WTAP: variants seen among roughly 807,000 people sequenced by gnomAD.
The protein encoded by WTAP is pre-mRNA-splicing regulator WTAP.
WTAP carries 8 observed loss-of-function variants against 50.0 expected under a neutral mutation model. The observed-to-expected ratio is 0.16, with a 90% confidence interval of 0.09 to 0.29. WTAP has a LOEUF of 0.29. WTAP is among the 10% of genes least tolerant of loss of function. The pLI is 1.00. For missense variants in WTAP, 295 were observed against 470.7 expected (o/e 0.63, Z 3.45); for synonymous variants, 194 against 169.0 (o/e 1.15, Z -1.15).
At chr6:159,751,030 T>G (rs1779800712) in intron 6 of WTAP, among the ~76,000 whole-genome samples, 1 of 152,254 alleles carries the variant, frequency 6.6e-6, no homozygotes, top group South Asian at 2.1e-4. Flanking sequence ...TTTAGAGTGT[T>G]TAGAGGTATA....
chr6:159,727,216 T>C, upstream of WTAP: 2 of 1,264,044 alleles, frequency 1.6e-6, no homozygotes, highest in Non-Finnish European at 1.0e-6. Context: ...GCTGCTCCAT[T>C]GTGCCTCGAG....
rs916498380 is a variant in WTAP, at chr6:159,731,536, A to G, written c.-9+3833A>G. ...AGAATCCTAAATATTGGAGATGCCA[A>G]AGAATTCTGCAGTAAGTGTTAGAAA... On this transcript the variant is annotated intron_variant, in intron 1 of 7. Coordinates refer to ENST00000621533, the MANE Select transcript of WTAP (RefSeq NM_001270531.2). Among the ~76,000 whole-genome samples the G allele has an allele frequency of 4.5e-4, 69 of 152,226 alleles. 4 individuals are homozygous for G. The highest frequency in any genetic ancestry group is 5.9e-5 in the Non-Finnish European group (4 of 68,040).
At position 159,735,366 on chromosome 6, in the gene WTAP, T is replaced by C. The variant is rs1163517920; in HGVS notation, c.-8-892T>C. Reference sequence around the variant, plus strand: ...ATGTTGGCCAGACTTGTCTTGAACTTCTGACCTCAAGTGATCCACCCACCA... The same window carrying C: ...ATGTTGGCCAGACTTGTCTTGAACTCCTGACCTCAAGTGATCCACCCACCA... On this transcript the variant is annotated intron_variant, in intron 1 of 7. Coordinates refer to ENST00000621533, the MANE Select transcript of WTAP (RefSeq NM_001270531.2). Among the ~76,000 whole-genome samples, 5 of 152,260 alleles carry C rather than the reference T, an allele frequency of 3.3e-5. No individual in the cohort carries two copies. The East Asian group carries it at 7.7e-4, about 24-fold the overall frequency.
chr6:159,736,090 C>T (rs1778895193), intron 1 of WTAP, among the ~76,000 whole-genome samples, 168 bp from the exon 2 acceptor site: 1 of 152,134 alleles, frequency 6.6e-6, no homozygotes, highest in African/African-American at 2.4e-5. Context: ...ATATCTTTGC[C>T]ACTTTTTTGT....
At chr6:159,746,841 A>AT (rs2114940555) in intron 5 of WTAP, among the ~76,000 whole-genome samples, 1 of 152,242 alleles carries the variant, frequency 6.6e-6, no homozygotes, top group Non-Finnish European at 1.5e-5. Flanking sequence ...TTCTAGTCTG[A>AT]TTCACCTCTC....
At chr6:159,734,473 A>G (rs1032841367) in intron 1 of WTAP, among the ~76,000 whole-genome samples, 4 of 152,154 alleles carry the variant, frequency 2.6e-5, no homozygotes, top group Non-Finnish European at 5.9e-5. Flanking sequence ...AAAATAAACC[A>G]TAAACACTTT....
At chr6:159,729,835 T>C (rs1248864152) in intron 1 of WTAP, among the ~76,000 whole-genome samples, 2 of 152,202 alleles carry the variant, frequency 1.3e-5, no homozygotes, top group Non-Finnish European at 2.9e-5. Flanking sequence ...ACTGAAGTTG[T>C]TTTGGCTGGC....
At chr6:159,728,638 C>T (rs937218911) in intron 1 of WTAP, among the ~76,000 whole-genome samples, 2 of 152,100 alleles carry the variant, frequency 1.3e-5, no homozygotes, top group African/African-American at 4.8e-5. Context: ...ATGTTGTGGA[C>T]ATTTAAAACC....
chr6:159,729,924 C>G (rs1778465320), intron 1 of WTAP, among the ~76,000 whole-genome samples: 1 of 152,274 alleles, frequency 6.6e-6, no homozygotes, highest in South Asian at 2.1e-4. Context: ...ATCTGGGATG[C>G]TAGGCACCTA....
chr6:159,735,558 G>C (rs1202461054), intron 1 of WTAP, among the ~76,000 whole-genome samples: 2 of 152,164 alleles, frequency 1.3e-5, no homozygotes, highest in Non-Finnish European at 2.9e-5. Context: ...AGACCAGCCT[G>C]ACCAACACGG....
intron 1 of WTAP, among the ~76,000 whole-genome samples, chr6:159,728,205 T>C (rs1778335064): frequency 6.6e-6 from 1 of 152,256 alleles, no homozygotes; most frequent in Middle Eastern, 3.2e-3. Flanking sequence ...GGAAAGAAAC[T>C]GAATTATTGC....
intron 1 of WTAP, among the ~76,000 whole-genome samples, chr6:159,734,992 C>T (rs566891748): frequency 6.6e-6 from 1 of 152,014 alleles, no homozygotes; most frequent in Non-Finnish European, 1.5e-5. Flanking sequence ...TAAAGTGTTC[C>T]CTACTTGAAT....
At chr6:159,732,813 G>A (rs147241129) in intron 1 of WTAP, among the ~76,000 whole-genome samples, 428 of 152,052 alleles carry the variant, frequency 2.8e-3, no homozygotes, top group African/African-American at 9.9e-3. Context: ...AACAGAGACC[G>A]GGCGCAGGGG....
At chr6:159,728,135 G>T (rs1778328696) in intron 1 of WTAP, among the ~76,000 whole-genome samples, 1 of 152,258 alleles carries the variant, frequency 6.6e-6, no homozygotes, top group Non-Finnish European at 1.5e-5. Flanking sequence ...ATGTCACGCA[G>T]TAGGATGTTA....
intron 5 of WTAP, among the ~76,000 whole-genome samples, chr6:159,747,728 T>C (rs1044086460): frequency 1.3e-5 from 2 of 152,206 alleles, no homozygotes; most frequent in Non-Finnish European, 2.9e-5. Flanking sequence ...TTTTAAACTT[T>C]GCTTTTTTCC....
At chr6:159,756,315 CTTAA>C (rs1780010556) in exon 8 of WTAP, 1 of 152,488 alleles carries the variant, frequency 6.6e-6, no homozygotes, top group Non-Finnish European at 1.5e-5. Context: ...ATTGTAACTC[CTTAA>C]TTAGCTTTTT....
intron 2 of WTAP, 38 bp downstream of exon 2, chr6:159,736,333 G>A (rs779711644): frequency 1.3e-6 from 2 of 1,496,458 alleles, no homozygotes; most frequent in South Asian, 2.4e-5. Context: ...GTTTTGTTTT[G>A]GGTTTTTTGG....
At position 159,755,680 on chromosome 6, in the gene WTAP, C is replaced by CAT; in HGVS notation, c.*71_*72dup. The CAT allele has an allele frequency of 7.5e-7, 1 of 1,341,184 alleles. No homozygotes were observed. Among genetic ancestry groups the CAT allele is most frequent in the Non-Finnish European group, 9.5e-7 (1 of 1,047,122 alleles). 83.1% of individuals were successfully genotyped at this position (1,341,184 alleles called of 1,614,324 possible). A position where few individuals can be genotyped will look rare whatever the true frequency, so the allele number is the denominator to read the frequency against. On this transcript the variant is annotated 3_prime_UTR_variant, in exon 8 of 8. Coordinates refer to ENST00000621533, the MANE Select transcript of WTAP (RefSeq NM_001270531.2). ...GAGGATACTGTCCAGAAAATTAATG[C>CAT]ATACTTTTGTCACAATTTGCCTTTT...
intron 1 of WTAP, among the ~76,000 whole-genome samples, 157 bp downstream of exon 1, chr6:159,727,860 G>C (rs111531886): frequency 0.037 from 5,678 of 152,120 alleles, 171 homozygotes; most frequent in Non-Finnish European, 0.055. Flanking sequence ...CTACCTTCCC[G>C]CCTGCGGGGA....
Sources: allele counts gnomAD v4.1 joint callset (sites outside exome capture counted in the v4.1 genomes callset), GRCh38; gene constraint gnomAD v4.1.1; transcripts MANE v1.5; gene names NCBI Gene and HGNC (gene_info 2026-07-23, HGNC 2026-07-21).